Variants in BMPR1B observed in about 807,000 individuals in gnomAD.
The protein encoded by BMPR1B is bone morphogenetic protein receptor type 1B.
In BMPR1B, 12 loss-of-function variants were observed where a neutral mutation model predicts 59.1. The observed-to-expected ratio is 0.20, with a 90% CI of 0.13 to 0.33. BMPR1B has a LOEUF of 0.33. BMPR1B is among the 10% of genes least tolerant of loss of function. BMPR1B has a pLI of 1.00. For missense variants in BMPR1B, 550 were observed against 610.9 expected, an observed-to-expected ratio of 0.90 and a Z score of 1.05; for synonymous variants, 237 against 207.3, an observed-to-expected ratio of 1.14 and a Z score of -1.23.
intron 2 of BMPR1B, among the ~76,000 whole-genome samples, chr4:94,926,536 T>A (rs937347695): frequency 1.3e-5 from 2 of 152,166 alleles, no homozygotes; most frequent in Non-Finnish European, 1.5e-5. Flanking sequence ...ATGGATACTC[T>A]GGGGACCTTT....
chr4:95,051,552 T>G (rs1726501398), intron 3 of BMPR1B: 1 of 678,902 alleles, frequency 1.5e-6, no homozygotes, highest in Admixed American at 2.4e-5. Context: ...TGTAACAGGC[T>G]TGTCTTTCAC....
At chr4:95,016,616 G>T (rs376477559) in intron 3 of BMPR1B, among the ~76,000 whole-genome samples, 2 of 152,268 alleles carry the variant, frequency 1.3e-5, no homozygotes, top group South Asian at 4.1e-4. Context: ...TAAGAGAAAA[G>T]AATGGCAAGA....
At chr4:95,103,365 A>AT (rs1215035039) in intron 3 of BMPR1B, 5 of 839,034 alleles carry the variant, frequency 6.0e-6, no homozygotes, top group Admixed American at 6.2e-5. Flanking sequence ...TAACCCAGCA[A>AT]TTTTTTAATA....
intron 4 of BMPR1B, among the ~76,000 whole-genome samples, 163 bp downstream of exon 4, chr4:95,104,730 G>C (rs1318027116): frequency 6.6e-6 from 1 of 152,062 alleles, no homozygotes; most frequent in Non-Finnish European, 1.5e-5. Flanking sequence ...ATTGAATTGT[G>C]TTTCACCCTG....
At chr4:95,001,175 G>A (rs1455894937) in intron 3 of BMPR1B, among the ~76,000 whole-genome samples, 1 of 152,112 alleles carries the variant, frequency 6.6e-6, no homozygotes, top group Non-Finnish European at 1.5e-5. Flanking sequence ...CATGTGCTAT[G>A]TTGGTGTGCT....
intron 3 of BMPR1B, among the ~76,000 whole-genome samples, chr4:95,084,884 T>C (rs147217877): frequency 6.6e-6 from 1 of 152,334 alleles, no homozygotes; most frequent in Non-Finnish European, 1.5e-5. Flanking sequence ...CAAGACATTC[T>C]GGAGATTTCT....
chr4:94,937,633 A>G (rs2149040514), intron 2 of BMPR1B, among the ~76,000 whole-genome samples: 1 of 152,310 alleles, frequency 6.6e-6, no homozygotes, highest in South Asian at 2.1e-4. Flanking sequence ...AAATACATGA[A>G]ATAATGACAG....
chr4:95,088,742 C>T (rs1382297866), intron 3 of BMPR1B, among the ~76,000 whole-genome samples: 1 of 151,470 alleles, frequency 6.6e-6, no homozygotes, highest in Non-Finnish European at 1.5e-5. Context: ...TATCATAAAT[C>T]GGGCCTATTC....
chr4:95,124,293 A>G (rs1732748820), intron 7 of BMPR1B, among the ~76,000 whole-genome samples: 1 of 152,094 alleles, frequency 6.6e-6, no homozygotes, highest in Non-Finnish European at 1.5e-5. Flanking sequence ...GATTTTAAAC[A>G]TAATTTATAG....
chr4:95,031,683 A>G (rs1456463123), intron 3 of BMPR1B, among the ~76,000 whole-genome samples: 1 of 152,158 alleles, frequency 6.6e-6, no homozygotes, highest in Non-Finnish European at 1.5e-5. Flanking sequence ...GGATAGGAGT[A>G]GAAAAACAAC....
intron 1 of BMPR1B, among the ~76,000 whole-genome samples, chr4:94,828,826 A>G (rs964770356): frequency 1.3e-5 from 2 of 152,156 alleles, no homozygotes; most frequent in African/African-American, 4.8e-5. Context: ...ATTCTGATAC[A>G]TGTGAGAACC....
chr4:94,809,471 T>C (rs1723731856), intron 1 of BMPR1B, among the ~76,000 whole-genome samples: 1 of 152,248 alleles, frequency 6.6e-6, no homozygotes, highest in Non-Finnish European at 1.5e-5. Context: ...TTTTTCCATG[T>C]ATAAGCTTCA....
intron 1 of BMPR1B, among the ~76,000 whole-genome samples, chr4:94,760,484 T>G (rs1721716855): frequency 6.6e-6 from 1 of 152,228 alleles, no homozygotes; most frequent in African/African-American, 2.4e-5. Flanking sequence ...TAAAATGTGC[T>G]TATCTTTTGC....
intron 12 of BMPR1B, among the ~76,000 whole-genome samples, chr4:95,153,886 A>G (rs941449199): frequency 2.6e-5 from 4 of 152,294 alleles, no homozygotes; most frequent in African/African-American, 9.6e-5. Context: ...CCTTTGGCTC[A>G]TTGGTTTTGT....
At chr4:95,043,278 C>CT (rs2149175944) in intron 3 of BMPR1B, among the ~76,000 whole-genome samples, 1 of 146,342 alleles carries the variant, frequency 6.8e-6, no homozygotes, top group South Asian at 2.3e-4. Flanking sequence ...ACCTCATGGT[C>CT]TTTTAGTAGC....
chr4:94,971,625 T>C (rs541658443), intron 2 of BMPR1B, among the ~76,000 whole-genome samples: 1 of 152,074 alleles, frequency 6.6e-6, no homozygotes, highest in African/African-American at 2.4e-5. Context: ...ATAGACTTAC[T>C]CCTTTAAATA....
chr4:95,066,732 G>T (rs1727835075), intron 3 of BMPR1B, among the ~76,000 whole-genome samples: 1 of 152,124 alleles, frequency 6.6e-6, no homozygotes, highest in Non-Finnish European at 1.5e-5. Flanking sequence ...AAATTATTGG[G>T]TCTCAACTAA....
intron 2 of BMPR1B, among the ~76,000 whole-genome samples, chr4:94,911,070 A>G (rs1728256095): frequency 6.6e-6 from 1 of 152,150 alleles, no homozygotes; most frequent in South Asian, 2.1e-4. Context: ...ATACATACTA[A>G]TGTATTCATA....
At chr4:94,910,636 G>A (rs1728236583) in intron 2 of BMPR1B, among the ~76,000 whole-genome samples, 1 of 152,022 alleles carries the variant, frequency 6.6e-6, no homozygotes, top group Non-Finnish European at 1.5e-5. Context: ...GGCCAGGTAT[G>A]GTGGCTTATG....
Sources: gnomAD v4.1 joint callset for allele counts (sites outside exome capture counted in the v4.1 genomes callset) on GRCh38, gnomAD v4.1.1 for gene constraint, MANE v1.5 for transcripts, NCBI Gene and HGNC (gene_info 2026-07-23, HGNC 2026-07-21) for gene names.